The following NPAS3 variants were observed in gnomAD, a reference collection of about 807,000 sequenced individuals.
The protein encoded by NPAS3 is neuronal PAS domain-containing protein 3.
Under a neutral mutation model 73.1 loss-of-function variants are expected in NPAS3, and 14 were observed. That is an observed-to-expected ratio of 0.19 (90% CI 0.13 to 0.30). The LOEUF (loss-of-function observed/expected upper bound fraction) is 0.30, where lower values mean the gene tolerates loss of function less well. Among genes scored for constraint, NPAS3 ranks in the 10% least tolerant of loss-of-function variants. The pLI, the probability that NPAS3 is intolerant of heterozygous loss-of-function variation, is 1.00. For synonymous variants in NPAS3, 620 were observed against 541.5 expected (o/e 1.14, Z -2.01); for missense variants, 1,096 against 1,250.0 (o/e 0.88, Z 1.86).
chr14:33,764,493 G>A (rs559633155), intron 7 of NPAS3, among the ~76,000 whole-genome samples: 23 of 152,312 alleles, frequency 1.5e-4, no homozygotes, highest in African/African-American at 4.8e-4. Flanking sequence ...TAAAGAAAAT[G>A]CATCAATGTA....
chr14:33,405,773 C>T (rs7154766), intron 4 of NPAS3, among the ~76,000 whole-genome samples: 4,370 of 152,162 alleles, frequency 0.029, 191 homozygotes, highest in African/African-American at 0.1. Flanking sequence ...AAGCTATTTG[C>T]CCACACCATC....
intron 1 of NPAS3, among the ~76,000 whole-genome samples, chr14:33,023,907 A>G (rs1274926108): frequency 6.6e-6 from 1 of 152,126 alleles, no homozygotes; most frequent in East Asian, 1.9e-4. Context: ...TACTTATTGA[A>G]CATTTACTGT....
At chr14:33,256,821 T>C (rs1342795389) in intron 3 of NPAS3, among the ~76,000 whole-genome samples, 1 of 152,184 alleles carries the variant, frequency 6.6e-6, no homozygotes, top group Non-Finnish European at 1.5e-5. Context: ...TCTGCATTGT[T>C]CTTTGAAAGA....
upstream of NPAS3, among the ~76,000 whole-genome samples, chr14:32,935,572 A>T (rs1405910907): frequency 6.6e-6 from 1 of 152,264 alleles, no homozygotes; most frequent in Non-Finnish European, 1.5e-5. Context: ...TCTTAAACGC[A>T]TTATAATGCA....
At chr14:33,248,951 G>A (rs1237315937) in intron 3 of NPAS3, among the ~76,000 whole-genome samples, 1 of 152,064 alleles carries the variant, frequency 6.6e-6, no homozygotes, top group Non-Finnish European at 1.5e-5. Context: ...GTTATTCTTT[G>A]ACTCCTGTTT....
intron 4 of NPAS3, among the ~76,000 whole-genome samples, chr14:33,523,937 C>A (rs572908541): frequency 1.4e-4 from 21 of 152,236 alleles, no homozygotes; most frequent in Non-Finnish European, 2.2e-4. Flanking sequence ...TTATGGAGGC[C>A]CTTGAGTGTC....
At chr14:33,113,894 C>A (rs2042977125) in intron 2 of NPAS3, among the ~76,000 whole-genome samples, 1 of 152,150 alleles carries the variant, frequency 6.6e-6, no homozygotes, top group Non-Finnish European at 1.5e-5. Context: ...TGAATTTTGT[C>A]AAAGGCCTTT....
At chr14:33,032,627 A>G (rs1276889963) in intron 1 of NPAS3, among the ~76,000 whole-genome samples, 1 of 152,166 alleles carries the variant, frequency 6.6e-6, no homozygotes, top group Non-Finnish European at 1.5e-5. Context: ...TCTCCACTCT[A>G]TGGATGCGCT....
chr14:33,173,978 AC>A (rs2045492084), intron 2 of NPAS3, among the ~76,000 whole-genome samples: 3 of 152,252 alleles, frequency 2.0e-5, no homozygotes, highest in Non-Finnish European at 2.9e-5. Context: ...GAACAAAAAA[AC>A]AGACAGACTT....
chr14:33,656,292 ATTG>A (rs145535419), intron 5 of NPAS3, among the ~76,000 whole-genome samples: 10,734 of 152,188 alleles, frequency 0.071, 499 homozygotes, highest in East Asian at 0.19. Flanking sequence ...GTGGGTAATG[ATTG>A]TTGTTGTTCT....
intron 5 of NPAS3, among the ~76,000 whole-genome samples, chr14:33,609,479 G>A (rs1230994403): frequency 6.6e-6 from 1 of 151,446 alleles, no homozygotes; most frequent in Non-Finnish European, 1.5e-5. Flanking sequence ...AAATGTATTT[G>A]TACATTATCA....
At chr14:33,475,083 A>G (rs75352221) in intron 4 of NPAS3, among the ~76,000 whole-genome samples, 3,908 of 152,250 alleles carry the variant, frequency 0.026, 83 homozygotes, top group Middle Eastern at 0.068. Flanking sequence ...TCAACCTTTA[A>G]TGAATTTTTT....
rs149920897 is a variant in NPAS3 at position 33,264,964 on chromosome 14, G to T, written c.385+49538G>T. On this transcript the variant is annotated intron_variant, in intron 3 of 11. Transcript: ENST00000356141. ...TCTCCATAAGTTTCTCTCAGTAACT[G>T]GTCATATTTCTTGAGGTAATATGGA... Among the ~76,000 whole-genome samples, 284 of 152,260 alleles carry T rather than the reference G, an allele frequency of 1.9e-3. 1 individual carries two copies. Among genetic ancestry groups the T allele is most frequent in the Non-Finnish European group, 3.4e-3 (234 of 68,032 alleles).
At chr14:33,097,173 T>C (rs1342524063) in intron 2 of NPAS3, among the ~76,000 whole-genome samples, 3 of 152,058 alleles carry the variant, frequency 2.0e-5, no homozygotes, top group Non-Finnish European at 4.4e-5. Context: ...AGCCCAGGAA[T>C]TTGAGACCAG....
At chr14:33,701,568 C>T (rs1312231207) in intron 6 of NPAS3, among the ~76,000 whole-genome samples, 1 of 152,136 alleles carries the variant, frequency 6.6e-6, no homozygotes, top group Non-Finnish European at 1.5e-5. Context: ...TCATTAATGT[C>T]ACTAATTTGT....
intron 3 of NPAS3, among the ~76,000 whole-genome samples, chr14:33,295,324 A>G (rs2042252539): frequency 6.6e-6 from 1 of 152,176 alleles, no homozygotes; most frequent in African/African-American, 2.4e-5. Context: ...AATTTCTGCC[A>G]TTGAAAGGAG....
intron 3 of NPAS3, among the ~76,000 whole-genome samples, chr14:33,336,415 C>T (rs2044227877): frequency 1.3e-5 from 2 of 152,282 alleles, no homozygotes; most frequent in African/African-American, 4.8e-5. Flanking sequence ...TTCTTTTTGG[C>T]TATCAGCTAG....
At chr14:33,669,289 T>A (rs2059544407) in intron 5 of NPAS3, among the ~76,000 whole-genome samples, 1 of 152,230 alleles carries the variant, frequency 6.6e-6, no homozygotes, top group Non-Finnish European at 1.5e-5. Flanking sequence ...TGATAAATAC[T>A]AAAAAGTTGG....
chr14:33,535,643 A>G (rs73269010), intron 4 of NPAS3, among the ~76,000 whole-genome samples: 9,037 of 152,206 alleles, frequency 0.059, 856 homozygotes, highest in African/African-American at 0.2. Flanking sequence ...AGTAGAATGC[A>G]TCTCTGGATT....
Sources: allele counts gnomAD v4.1 joint callset (sites outside exome capture counted in the v4.1 genomes callset), GRCh38; gene constraint gnomAD v4.1.1; transcripts MANE v1.5; gene names NCBI Gene and HGNC (gene_info 2026-07-23, HGNC 2026-07-21).